The following NEK11 variants were observed in gnomAD, a reference collection of about 807,000 sequenced individuals.
NEK11 encodes the protein serine/threonine-protein kinase Nek11.
In NEK11, 72 loss-of-function variants were observed where a neutral mutation model predicts 80.7. The ratio of observed to expected loss-of-function variants is 0.89; its 90% CI spans 0.74 to 1.08. The LOEUF is 1.08. Ranked by LOEUF, NEK11 falls within the 50% of genes least tolerant of loss-of-function variation. The pLI, the probability that NEK11 is intolerant of heterozygous loss-of-function variation, is 0.00. For missense variants in NEK11, 764 were observed against 763.6 expected, an observed-to-expected ratio of 1.00 and a Z score of -0.01; for synonymous variants, 251 against 260.7, an observed-to-expected ratio of 0.96 and a Z score of 0.36.
intron 14 of NEK11, among the ~76,000 whole-genome samples, chr3:131,197,850 T>A (rs1454676549): frequency 6.6e-6 from 1 of 152,160 alleles, no homozygotes; most frequent in Non-Finnish European, 1.5e-5. Flanking sequence ...GGTCCTGCCT[T>A]GCAGCTCTTT....
chr3:131,205,881 G>A (rs2094428540), intron 14 of NEK11, among the ~76,000 whole-genome samples: 2 of 152,180 alleles, frequency 1.3e-5, no homozygotes, highest in Non-Finnish European at 2.9e-5. Flanking sequence ...TGTTTTATGA[G>A]ATCTGGGGGA....
At chr3:131,221,490 C>T (rs1469425238) in intron 14 of NEK11, among the ~76,000 whole-genome samples, 1 of 152,052 alleles carries the variant, frequency 6.6e-6, no homozygotes, top group Non-Finnish European at 1.5e-5. Flanking sequence ...CTTTAAGAAC[C>T]ATTCTGGGAA....
At chr3:131,327,591 G>A (rs1468026434) in intron 17 of NEK11, 1 of 151,916 alleles carries the variant, frequency 6.6e-6, no homozygotes, top group African/African-American at 2.4e-5. Context: ...TAAACAGTTT[G>A]TTAGCTTGAT....
In NEK11 at chr3:131,338,265, G is replaced by GTTTTTTTTTTTTTTTTT. The variant is rs1554023900; in HGVS notation, c.1719-11292_1719-11291insTTTTTTTTTTTTTTTTT. On this transcript the variant is annotated intron_variant, in intron 17 of 17. Transcript: ENST00000383366. The stretch of plus-strand genomic sequence containing the variant: ...CAGGCATGAGCCACGGCGCCCAGCT[G>GTTTTTTTTTTTTTTTTT]GTTTTTTTTTTTTTTTTTTTTTTTT... Among the ~76,000 whole-genome samples, 2 of 91,608 alleles carry GTTTTTTTTTTTTTTTTT rather than the reference G, an allele frequency of 2.2e-5. 1 individual carries two copies. The highest frequency in any genetic ancestry group is 9.7e-5 in the African/African-American group (2 of 20,572). The allele number at this position is 91,608 out of a possible 152,430, so 60.1% of individuals were successfully genotyped here.
intron 14 of NEK11, among the ~76,000 whole-genome samples, chr3:131,200,351 G>C (rs2094179975): frequency 6.6e-6 from 1 of 152,138 alleles, no homozygotes; most frequent in Admixed American, 6.5e-5. Flanking sequence ...TAAGGATGTG[G>C]AACTACAAAG....
At chr3:131,149,387 T>G (rs1392105449) in intron 7 of NEK11, among the ~76,000 whole-genome samples, 8 of 152,132 alleles carry the variant, frequency 5.3e-5, no homozygotes, top group Non-Finnish European at 1.2e-4. Context: ...GCGTTGAGGT[T>G]GATTCCATGT....
At chr3:131,214,694 C>CGTGTGTGT (rs748168866) in intron 14 of NEK11, among the ~76,000 whole-genome samples, 2 of 65,890 alleles carry the variant, frequency 3.0e-5, no homozygotes, top group African/African-American at 4.6e-5. Context: ...AATGTGCGTG[C>CGTGTGTGT]ATGTGTGTGT....
chr3:131,211,376 C>T (rs914519037), intron 14 of NEK11, among the ~76,000 whole-genome samples: 1 of 152,172 alleles, frequency 6.6e-6, no homozygotes, highest in Non-Finnish European at 1.5e-5. Flanking sequence ...GGTAACCCAA[C>T]CTTTCTCTCT....
intron 13 of NEK11, among the ~76,000 whole-genome samples, chr3:131,170,192 C>A (rs991969706): frequency 3.3e-5 from 5 of 152,116 alleles, no homozygotes; most frequent in South Asian, 2.1e-4. Flanking sequence ...CACACACACA[C>A]AAAACTAAGG....
At chr3:131,201,427 G>A (rs993513478) in intron 14 of NEK11, among the ~76,000 whole-genome samples, 11 of 151,918 alleles carry the variant, frequency 7.2e-5, no homozygotes, top group African/African-American at 2.7e-4. Flanking sequence ...TTATTATATT[G>A]CACTTCTTTG....
At chr3:131,289,114 T>G (rs540815720) in intron 17 of NEK11, among the ~76,000 whole-genome samples, 1 of 152,304 alleles carries the variant, frequency 6.6e-6, no homozygotes, top group East Asian at 1.9e-4. Context: ...AAGTCCAAGA[T>G]CAAGGTGCCA....
chr3:131,113,208 G>T (rs929577284), intron 5 of NEK11, among the ~76,000 whole-genome samples: 3 of 152,150 alleles, frequency 2.0e-5, no homozygotes, highest in African/African-American at 7.2e-5. Flanking sequence ...TGAGAAATTG[G>T]AAAGACAGGT....
chr3:131,042,046 C>T (rs1287518915), intron 3 of NEK11, among the ~76,000 whole-genome samples: 2 of 152,128 alleles, frequency 1.3e-5, no homozygotes, highest in African/African-American at 4.8e-5. Context: ...AGGGACTGTG[C>T]CATGAGGAAC....
chr3:131,307,291 T>C (rs1222350992), intron 17 of NEK11, among the ~76,000 whole-genome samples: 5 of 152,234 alleles, frequency 3.3e-5, no homozygotes, highest in Admixed American at 1.3e-4. Flanking sequence ...GCCACTGCGT[T>C]TGCAGAGAAT....
chr3:131,125,008 A>C (rs1346817363), intron 5 of NEK11, among the ~76,000 whole-genome samples: 1 of 152,200 alleles, frequency 6.6e-6, no homozygotes, highest in African/African-American at 2.4e-5. Flanking sequence ...TATGGACCTC[A>C]AGATGAAGTG....
At chr3:131,102,782 TTCTC>T (rs1160911954) in intron 4 of NEK11, among the ~76,000 whole-genome samples, 6 of 152,130 alleles carry the variant, frequency 3.9e-5, no homozygotes, top group East Asian at 3.8e-4. Flanking sequence ...GAGTTGTTTA[TTCTC>T]TCTCTCTCAG....
Position 131,027,963 on chromosome 3 carries a change from T to A in NEK11, c.-136T>A, listed in dbSNP as rs1393992349. ...ATCTCATCTTTAAAATAAGGAGAAT[T>A]ACTGAGTGACCTGAAGGACCCTTTT... On this transcript the variant is annotated 5_prime_UTR_variant, in exon 2 of 18. Coordinates refer to ENST00000383366, the MANE Select transcript of NEK11 (RefSeq NM_024800.5). The A allele has an allele frequency of 1.3e-5, 2 of 152,222 alleles. No homozygotes were observed. The highest frequency in any genetic ancestry group is 2.9e-5 in the Non-Finnish European group (2 of 68,042). 9.4% of individuals were successfully genotyped at this position (152,222 alleles called of 1,614,324 possible).
intron 16 of NEK11, among the ~76,000 whole-genome samples, chr3:131,246,495 A>G (rs2095605133): frequency 6.6e-6 from 1 of 152,006 alleles, no homozygotes; most frequent in Non-Finnish European, 1.5e-5. Context: ...TGTGTATCAC[A>G]TTTTCTTTAT....
intron 3 of NEK11, among the ~76,000 whole-genome samples, chr3:131,042,292 G>C (rs2066631279): frequency 6.6e-6 from 1 of 152,062 alleles, no homozygotes; most frequent in Non-Finnish European, 1.5e-5. Context: ...GGGGGCTGAA[G>C]CCAGGGAGCC....
Sources: allele counts gnomAD v4.1 joint callset (sites outside exome capture counted in the v4.1 genomes callset), GRCh38; gene constraint gnomAD v4.1.1; transcripts MANE v1.5; gene names NCBI Gene and HGNC (gene_info 2026-07-23, HGNC 2026-07-21).